The following TRMT9B variants were observed in gnomAD, a reference collection of about 807,000 sequenced individuals.
TRMT9B encodes the protein tRNA methyltransferase 9B (putative).
In TRMT9B, 16 loss-of-function variants were observed where a neutral mutation model predicts 11.5. The observed-to-expected ratio is 1.39, with a 90% CI of 0.94 to 2.11. The LOEUF (loss-of-function observed/expected upper bound fraction) is 2.11, where lower values mean the gene tolerates loss of function less well. Among genes scored for constraint, TRMT9B ranks in the 30% most tolerant of loss-of-function variants. The pLI, the probability that TRMT9B is intolerant of heterozygous loss-of-function variation, is 0.00. For synonymous variants in TRMT9B, 274 were observed against 192.4 expected (o/e 1.42, Z -3.51); for missense variants, 941 against 553.8 (o/e 1.70, Z -7.02).
At chr8:12,986,652 T>G (rs1806363588) in intron 1 of TRMT9B, among the ~76,000 whole-genome samples, 1 of 152,202 alleles carries the variant, frequency 6.6e-6, no homozygotes, top group South Asian at 2.1e-4. Flanking sequence ...TTACTAAAGT[T>G]TCCTTTGCTT....
At position 13,021,304 on chromosome 8, in the gene TRMT9B, T is replaced by G. The variant is rs759934606; in HGVS notation, c.625T>G (p.Ser209Ala). ...TGTTTGTTTTAAAGAGCAGTGTGGT[T>G]CAAAACGGTCCCACAGCGTGGGCTA... ...CSVCFKEQCG[S>A]KRSHSVGYEP... is the part of the protein sequence containing the mutation. The change falls in exon 5 of 5, where the codon TCA becomes GCA. Residue 209 changes from serine (S) to alanine (A), a missense_variant. Transcript: ENST00000524591. 6.2e-6 allele frequency: 10 copies of G among 1,613,908 alleles called. No homozygotes were observed. Among genetic ancestry groups the G allele is most frequent in the Non-Finnish European group, 7.6e-6 (9 of 1,179,902 alleles).
rs1807225092 is a variant in TRMT9B at position 12,990,927 on chromosome 8, C to T, written c.-106C>T. 5.4e-6 allele frequency: 7 copies of T among 1,289,228 alleles called. No individual in the cohort carries two copies. In the African/African-American group the frequency reaches 6.1e-5, roughly 11 times the overall value. The allele number at this position is 1,289,228 out of a possible 1,614,324, so 79.9% of individuals were successfully genotyped here. A position where few individuals can be genotyped will look rare whatever the true frequency, so the allele number is the denominator to read the frequency against. On this transcript the variant is annotated 5_prime_UTR_variant, in exon 2 of 5. Transcript: ENST00000524591. ...CTCCTACAAGTTTTCATTTACGTTA[C>T]ACATTGAGAAAGTTATGAGAAGCAA...
At chr8:12,984,029 T>A (rs910719162) in intron 1 of TRMT9B, among the ~76,000 whole-genome samples, 1 of 152,228 alleles carries the variant, frequency 6.6e-6, no homozygotes, top group Non-Finnish European at 1.5e-5. Context: ...TCAGGAATGA[T>A]GGTGAGGTCA....
intron 2 of TRMT9B, among the ~76,000 whole-genome samples, chr8:13,001,376 A>G (rs1423624012): frequency 6.6e-6 from 1 of 152,202 alleles, no homozygotes; most frequent in African/African-American, 2.4e-5. Flanking sequence ...GTTCTCTTGG[A>G]TCGACAGTGA....
intron 2 of TRMT9B, among the ~76,000 whole-genome samples, chr8:12,996,625 G>A (rs10108476): frequency 0.025 from 3,762 of 152,278 alleles, 160 homozygotes; most frequent in African/African-American, 0.086. Flanking sequence ...AGATGAGAGA[G>A]GATACTCTGC....
At chr8:13,008,181 A>G (rs889735141) in intron 3 of TRMT9B, among the ~76,000 whole-genome samples, 1 of 152,206 alleles carries the variant, frequency 6.6e-6, no homozygotes, top group Non-Finnish European at 1.5e-5. Context: ...TTTCATAAAC[A>G]TTGGGCTCAC....
At chr8:13,020,496 G>C (rs1813623495) in intron 4 of TRMT9B, among the ~76,000 whole-genome samples, 1 of 152,262 alleles carries the variant, frequency 6.6e-6, no homozygotes, top group African/African-American at 2.4e-5. Context: ...GTGAGCTGCT[G>C]ATCTTTGCAT....
chr8:12,964,372 C>G (rs748509706), intron 1 of TRMT9B, among the ~76,000 whole-genome samples: 10 of 152,156 alleles, frequency 6.6e-5, no homozygotes, highest in Admixed American at 1.3e-4. Context: ...TAGCCACTCA[C>G]CAGAACATTT....
At chr8:12,977,700 A>T (rs1249705947) in intron 1 of TRMT9B, among the ~76,000 whole-genome samples, 1 of 152,030 alleles carries the variant, frequency 6.6e-6, no homozygotes, top group Non-Finnish European at 1.5e-5. Flanking sequence ...ACTCTGTCTC[A>T]AAAACAAACA....
intron 1 of TRMT9B, among the ~76,000 whole-genome samples, chr8:12,980,013 G>A (rs1201774151): frequency 6.6e-6 from 1 of 152,138 alleles, no homozygotes; most frequent in African/African-American, 2.4e-5. Context: ...TGCATTCAGA[G>A]TCCAGGATGA....
At chr8:13,016,128 A>G (rs1812610930) in intron 4 of TRMT9B, among the ~76,000 whole-genome samples, 1 of 144,692 alleles carries the variant, frequency 6.9e-6, no homozygotes, top group South Asian at 2.1e-4. Flanking sequence ...TATACATATA[A>G]CATAAATATA....
At chr8:12,946,481 G>A (rs188638096) in intron 1 of TRMT9B, among the ~76,000 whole-genome samples, 5 of 152,272 alleles carry the variant, frequency 3.3e-5, no homozygotes, top group African/African-American at 7.2e-5. Flanking sequence ...CTGGGAGGAC[G>A]GAGATTGTAG....
intron 1 of TRMT9B, among the ~76,000 whole-genome samples, chr8:12,976,545 G>C (rs1051007254): frequency 5.9e-5 from 9 of 151,916 alleles, no homozygotes; most frequent in African/African-American, 2.2e-4. Context: ...TTTGAGACCA[G>C]CCTGGGTAAT....
At chr8:12,970,801 C>G (rs975023497) in intron 1 of TRMT9B, among the ~76,000 whole-genome samples, 6 of 152,074 alleles carry the variant, frequency 3.9e-5, no homozygotes, top group Non-Finnish European at 8.8e-5. Context: ...TCTTTCTAGC[C>G]TCTTAGTCTG....
At chr8:12,994,807 G>C (rs2128881204) in intron 2 of TRMT9B, among the ~76,000 whole-genome samples, 1 of 152,218 alleles carries the variant, frequency 6.6e-6, no homozygotes, top group East Asian at 1.9e-4. Context: ...TCAGCCTCCT[G>C]AGTACCTAGG....
intron 1 of TRMT9B, among the ~76,000 whole-genome samples, chr8:12,979,545 G>A (rs1198460817): frequency 6.6e-6 from 1 of 152,118 alleles, no homozygotes; most frequent in Non-Finnish European, 1.5e-5. Context: ...ATGCCTTCCT[G>A]CCTTCTTGAA....
intron 1 of TRMT9B, among the ~76,000 whole-genome samples, chr8:12,960,936 A>G (rs753291386): frequency 1.3e-5 from 2 of 152,046 alleles, no homozygotes; most frequent in Admixed American, 6.6e-5. Context: ...AGGTCAAGAG[A>G]CCTAGACCAT....
At position 13,007,404 on chromosome 8, in the gene TRMT9B, G is replaced by A. The variant is rs546187168; in HGVS notation, c.154+1048G>A. The A allele has an allele frequency of 4.7e-4, 71 of 152,290 alleles. 1 individual carries two copies. The highest frequency in any genetic ancestry group is 1.6e-3 in the African/African-American group (66 of 41,558). 9.4% of individuals were successfully genotyped at this position (152,290 alleles called of 1,614,324 possible). On this transcript the variant is annotated intron_variant, in intron 3 of 4. Coordinates refer to ENST00000524591, the MANE Select transcript of TRMT9B (RefSeq NM_020844.3). Reference sequence around the variant, plus strand: ...AAATGTGGTTGGAATCTCACTCAAGGCCTACCCACCTAAAACTGCGTTCTA... The same window carrying A: ...AAATGTGGTTGGAATCTCACTCAAGACCTACCCACCTAAAACTGCGTTCTA...
chr8:12,960,750 G>A (rs1801995149), intron 1 of TRMT9B, among the ~76,000 whole-genome samples: 1 of 152,194 alleles, frequency 6.6e-6, no homozygotes, highest in African/African-American at 2.4e-5. Context: ...ATTGACATAT[G>A]CAAAGGCAAA....
Sources: gnomAD v4.1 joint callset for allele counts (sites outside exome capture counted in the v4.1 genomes callset) on GRCh38, gnomAD v4.1.1 for gene constraint, MANE v1.5 for transcripts, NCBI Gene and HGNC (gene_info 2026-07-23, HGNC 2026-07-21) for gene names.